ACBD3: variants seen among roughly 807,000 people sequenced by gnomAD.
The protein encoded by ACBD3 is Golgi resident protein GCP60.
A neutral mutation model predicts 66.9 loss-of-function variants in ACBD3; 30 were observed. That is an observed-to-expected ratio of 0.45 (90% CI 0.34 to 0.61). ACBD3 has a LOEUF of 0.61. Ranked by LOEUF, ACBD3 falls within the 20% of genes least tolerant of loss-of-function variation. The pLI, the probability that ACBD3 is intolerant of heterozygous loss-of-function variation, is 0.02. For synonymous variants in ACBD3, 278 were observed against 259.8 expected (o/e 1.07, Z -0.68); for missense variants, 544 against 664.5 (o/e 0.82, Z 1.99).
chr1:226,171,561 G>C (rs751986393), intron 1 of ACBD3, among the ~76,000 whole-genome samples: 120 of 151,578 alleles, frequency 7.9e-4, no homozygotes, highest in Non-Finnish European at 1.4e-3. Flanking sequence ...ATTTTGAGAT[G>C]AAGTCTTGCT....
rs1022410525 is a variant in ACBD3 at position 226,146,053 on chromosome 1, G to A, written c.*557C>T. The A allele has an allele frequency of 1.3e-5, 2 of 152,996 alleles. No homozygotes were observed. The highest frequency in any genetic ancestry group is 1.3e-4 in the Admixed American group (2 of 15,292). The allele number at this position is 152,996 out of a possible 1,614,324, so 9.5% of individuals were successfully genotyped here. Reference sequence around the variant, plus strand: ...CTGTAATATAACTCTGAACTAAACAGCTGCACCCAAAGCAGAAACAATCTG... The same window carrying A: ...CTGTAATATAACTCTGAACTAAACAACTGCACCCAAAGCAGAAACAATCTG... On this transcript the variant is annotated 3_prime_UTR_variant, in exon 8 of 8. Transcript: ENST00000366812.
intron 5 of ACBD3, among the ~76,000 whole-genome samples, chr1:226,156,231 G>T (rs539699541): frequency 6.6e-6 from 1 of 152,272 alleles, no homozygotes; most frequent in East Asian, 1.9e-4. Context: ...CTATAGATTT[G>T]CTTTGCCTAT....
intron 1 of ACBD3, among the ~76,000 whole-genome samples, chr1:226,181,172 T>C (rs987710964): frequency 2.0e-5 from 3 of 152,188 alleles, no homozygotes; most frequent in Admixed American, 1.3e-4. Context: ...TACATACTTA[T>C]GTCTAAAGGT....
chr1:226,169,470 C>T (rs1055282575), intron 1 of ACBD3, among the ~76,000 whole-genome samples: 3 of 150,954 alleles, frequency 2.0e-5, no homozygotes, highest in East Asian at 2.0e-4. Context: ...AGGATGGTCT[C>T]GATCTCCTGA....
chr1:226,161,772 T>A, intron 3 of ACBD3, 83 bp from the exon 4 acceptor site: 1 of 1,460,252 alleles, frequency 6.8e-7, no homozygotes, highest in Non-Finnish European at 9.1e-7. Flanking sequence ...AAAACTGACA[T>A]GACCTTTTTA....
intron 4 of ACBD3, among the ~76,000 whole-genome samples, chr1:226,161,146 C>CTT (rs369852670): frequency 6.0e-5 from 8 of 134,258 alleles, no homozygotes; most frequent in African/African-American, 2.2e-4. Context: ...TAATACATTC[C>CTT]TTTTTTTTTT....
Position 226,159,233 on chromosome 1 carries a change from T to A in ACBD3, c.854A>T (p.Tyr285Phe). Residue 285 changes from tyrosine to phenylalanine, a missense_variant, in exon 5 of 8, where the codon TAT (tyrosine) becomes TTT (phenylalanine). Physicochemically the swap from Tyr to Phe is conservative, Grantham distance 22. Around this residue, in one of 3 missense-constraint regions of ACBD3, gnomAD observed 383 missense variants for 462.4 expected, o/e 0.83. Coordinates refer to ENST00000366812, the MANE Select transcript of ACBD3 (RefSeq NM_022735.4). ...ATACAACTGCTGCATGTACTGCTGA[T>A]AGTGTTGCTCCTGCAACTGGCGGAT... Reference protein sequence around the residue: ...ILIRQLQEQHYQQYMQQLYQV... With the variant: ...ILIRQLQEQHFQQYMQQLYQV... 14 of 1,614,200 alleles carry A rather than the reference T, an allele frequency of 8.7e-6. No homozygotes were observed. Among genetic ancestry groups the A allele is most frequent in the Non-Finnish European group, 1.2e-5 (14 of 1,180,002 alleles).
chr1:226,160,648 G>A (rs1004305028), intron 4 of ACBD3, among the ~76,000 whole-genome samples: 2 of 152,084 alleles, frequency 1.3e-5, no homozygotes, highest in African/African-American at 4.8e-5. Flanking sequence ...GAAATCAATG[G>A]ACTCTCATGT....
intron 1 of ACBD3, among the ~76,000 whole-genome samples, chr1:226,169,310 C>G (rs545745021): frequency 6.6e-6 from 1 of 151,834 alleles, no homozygotes; most frequent in Non-Finnish European, 1.5e-5. Context: ...TGCCGTGGTG[C>G]GATCTCGGCT....
chr1:226,152,695 C>T (rs1311180417), intron 6 of ACBD3, 76 bp from the exon 7 acceptor site: 3 of 1,414,940 alleles, frequency 2.1e-6, no homozygotes, highest in Non-Finnish European at 2.9e-6. Context: ...CATAGCACTA[C>T]CTGATCAGTT....
At chr1:226,167,754 A>C (rs1179876438) in intron 1 of ACBD3, among the ~76,000 whole-genome samples, 1 of 152,226 alleles carries the variant, frequency 6.6e-6, no homozygotes, top group East Asian at 1.9e-4. Context: ...AAGTGAGAAG[A>C]ATATGGGTTA....
At chr1:226,169,568 T>A (rs1445405097) in intron 1 of ACBD3, among the ~76,000 whole-genome samples, 2 of 135,326 alleles carry the variant, frequency 1.5e-5, no homozygotes, top group East Asian at 4.3e-4. Flanking sequence ...ATTTTTTTTT[T>A]TTTTTTTTTT....
chr1:226,151,360 T>C lies in ACBD3; in HGVS notation c.1375+975A>G, dbSNP rs549153165. On this transcript the variant is annotated intron_variant, in intron 7 of 7. Transcript: ENST00000366812. ...GTCAACAAATAAATTAAGTGCTTATTAAGTGTATATAAACAAACCCTACAT... is the reference window on the plus strand; with the variant it reads ...GTCAACAAATAAATTAAGTGCTTATCAAGTGTATATAAACAAACCCTACAT... Among the ~76,000 whole-genome samples, 10 of 152,336 alleles carry C rather than the reference T, an allele frequency of 6.6e-5. No individual in the cohort carries two copies. The East Asian group carries it at 1.9e-3, about 29-fold the overall frequency.
intron 3 of ACBD3, among the ~76,000 whole-genome samples, chr1:226,163,387 C>A (rs376997892): frequency 1.5e-4 from 23 of 152,182 alleles, no homozygotes; most frequent in African/African-American, 5.1e-4. Context: ...GACACCCTAG[C>A]GATACCTGAT....
chr1:226,175,164 G>A (rs146571684), intron 1 of ACBD3, among the ~76,000 whole-genome samples: 235 of 151,168 alleles, frequency 1.6e-3, no homozygotes, highest in Middle Eastern at 3.4e-3. Context: ...TCAAAATTCC[G>A]GAAGGAAATT....
Position 226,159,344 on chromosome 1 carries a change from G to T in ACBD3, c.743C>A (p.Ala248Glu). The T allele has an allele frequency of 6.2e-7, 1 of 1,614,082 alleles. No individual in the cohort carries two copies. The highest frequency in any genetic ancestry group is 8.5e-7 in the Non-Finnish European group (1 of 1,179,972). Residue 248 changes from alanine (A) to glutamate (E), a missense_variant, in exon 5 of 8, where the codon GCA becomes GAA. Around this residue, in one of 3 missense-constraint regions of ACBD3, gnomAD observed 383 missense variants for 462.4 expected, o/e 0.83. Transcript: ENST00000366812. ...RLEQQKQQIM[A>E]ALNSQTAVQF... ...CACGGCAGTCTGGGAGTTTAAAGCT[G>T]CCATTATCTGCTGCCTAAAAACATT...
At chr1:226,163,054 T>C (rs1411739062) in intron 3 of ACBD3, among the ~76,000 whole-genome samples, 1 of 152,022 alleles carries the variant, frequency 6.6e-6, no homozygotes, top group Non-Finnish European at 1.5e-5. Flanking sequence ...GCCCGCCTCG[T>C]TCTCCCCAAG....
intron 1 of ACBD3, among the ~76,000 whole-genome samples, chr1:226,183,335 C>A (rs1179963315): frequency 6.6e-6 from 1 of 152,026 alleles, no homozygotes; most frequent in African/African-American, 2.4e-5. Flanking sequence ...GCCACCACGC[C>A]CAGCTAATTT....
In ACBD3 at chr1:226,152,537, T is replaced by A. The variant is rs201230026; in HGVS notation, c.1173A>T (p.Ala391=). ...KDFKEKIQQD[A]DSVITVGRGE... is the part of the protein sequence containing the mutation. Reference sequence around the variant, plus strand: ...CTCGGCCCACTGTAATCACGGAATCTGCATCCTGCTGAATCTTCTCTTTGA... The same window carrying A: ...CTCGGCCCACTGTAATCACGGAATCAGCATCCTGCTGAATCTTCTCTTTGA... The change falls in exon 7 of 8, where the codon GCA becomes GCT. Residue 391 remains alanine (A), a synonymous_variant. Transcript: ENST00000366812. The A allele has an allele frequency of 8.6e-4, 1,390 of 1,614,228 alleles. 18 individuals are homozygous for A. In the South Asian group the frequency reaches 0.014, roughly 17 times the overall value.
Sources: gnomAD v4.1 joint callset for allele counts (sites outside exome capture counted in the v4.1 genomes callset) on GRCh38, gnomAD v4.1.1 for gene constraint, gnomAD v4.1.1 regional missense constraint, MANE v1.5 for transcripts, NCBI Gene and HGNC (gene_info 2026-07-23, HGNC 2026-07-21) for gene names.